Variants in KSR2 observed in about 807,000 individuals in gnomAD.
KSR2 encodes the protein kinase suppressor of ras 2.
In KSR2, 25 loss-of-function variants were observed where a neutral mutation model predicts 107.8. That is an observed-to-expected ratio of 0.23 (90% CI 0.17 to 0.32). The LOEUF is 0.32. KSR2 is among the 10% of genes least tolerant of loss of function. The pLI is 1.00. For missense variants in KSR2, 887 were observed against 1,268.9 expected, an observed-to-expected ratio of 0.70 and a Z score of 4.57; for synonymous variants, 480 against 507.0, an observed-to-expected ratio of 0.95 and a Z score of 0.71.
intron 16 of KSR2, among the ~76,000 whole-genome samples, chr12:117,479,592 A>G (rs920897711): frequency 1.3e-5 from 2 of 152,166 alleles, no homozygotes; most frequent in Non-Finnish European, 2.9e-5. Flanking sequence ...GACATCATCA[A>G]ATGTCCCCTG....
intron 14 of KSR2, among the ~76,000 whole-genome samples, chr12:117,524,244 A>G (rs1417972077): frequency 2.6e-5 from 4 of 152,226 alleles, no homozygotes; most frequent in Admixed American, 6.5e-5. Flanking sequence ...CTCATTTCAC[A>G]TATGGAGAAA....
chr12:117,967,339 A>G lies in KSR2; in HGVS notation c.180+737T>C, dbSNP rs1409664437. 2.0e-5 allele frequency among the ~76,000 whole-genome samples: 3 copies of G among 152,118 alleles called. No individual in the cohort carries two copies. The East Asian group carries it at 5.8e-4, about 29-fold the overall frequency. ...CCCGACCCCTTTCCTCTTTCCTCACAGTCCCACTGAGATTCAGGAGTATTC... is the reference window on the plus strand; with the variant it reads ...CCCGACCCCTTTCCTCTTTCCTCACGGTCCCACTGAGATTCAGGAGTATTC... On this transcript the variant is annotated intron_variant, in intron 1 of 19. Coordinates refer to ENST00000339824, the MANE Select transcript of KSR2 (RefSeq NM_173598.6).
rs550468198 is a variant in KSR2 at position 117,468,219 on chromosome 12, C to T, written c.2847-1014G>A. ...GACAGCAGCTGAGCTACAGTGAGTA[C>T]CTGCTATGTTGAGAGGCACCTGCTA... On this transcript the variant is annotated intron_variant, in intron 19 of 19. Transcript: ENST00000339824. Among the ~76,000 whole-genome samples the T allele has an allele frequency of 1.3e-4, 20 of 152,330 alleles. No individual in the cohort carries two copies. The South Asian group carries it at 4.1e-3, about 32-fold the overall frequency.
intron 4 of KSR2, among the ~76,000 whole-genome samples, chr12:117,683,672 T>C (rs1433058685): frequency 2.0e-5 from 3 of 152,174 alleles, no homozygotes; most frequent in African/African-American, 7.2e-5. Context: ...CAAGGCTAGA[T>C]TTGAAGAACG....
chr12:117,710,605 G>T (rs1031669549), intron 4 of KSR2, among the ~76,000 whole-genome samples: 2 of 152,120 alleles, frequency 1.3e-5, no homozygotes, highest in Non-Finnish European at 2.9e-5. Flanking sequence ...CGTATGGGTG[G>T]GGTTTTGGGC....
At chr12:117,891,973 C>G (rs1297952089) in intron 1 of KSR2, among the ~76,000 whole-genome samples, 1 of 90,464 alleles carries the variant, frequency 1.1e-5, no homozygotes, top group Non-Finnish European at 2.0e-5. Flanking sequence ...GCACTCCAGC[C>G]TGGGTAACAG....
intron 3 of KSR2, among the ~76,000 whole-genome samples, chr12:117,837,345 A>G (rs1892261788): frequency 6.6e-6 from 1 of 152,212 alleles, no homozygotes; most frequent in East Asian, 1.9e-4. Flanking sequence ...TTTCTACATT[A>G]CTATGCATCT....
intron 1 of KSR2, among the ~76,000 whole-genome samples, chr12:117,888,257 A>G (rs547370675): frequency 9.8e-5 from 15 of 152,322 alleles, no homozygotes; most frequent in African/African-American, 3.6e-4. Context: ...GAATATTCAA[A>G]GACACAAACA....
intron 1 of KSR2, among the ~76,000 whole-genome samples, chr12:117,914,478 C>T (rs74239236): frequency 0.038 from 5,692 of 150,962 alleles, 184 homozygotes; most frequent in East Asian, 0.18. Context: ...GTCATCTATG[C>T]AAAGCTCTTC....
At chr12:117,766,822 G>C (rs559677594) in intron 3 of KSR2, among the ~76,000 whole-genome samples, 1 of 151,410 alleles carries the variant, frequency 6.6e-6, no homozygotes, top group East Asian at 2.0e-4. Context: ...CAGGAGATGA[G>C]GGACGTGGGA....
chr12:117,471,471 C>T (rs779962011), intron 17 of KSR2, among the ~76,000 whole-genome samples, 151 bp from the exon 18 acceptor site: 14 of 152,220 alleles, frequency 9.2e-5, no homozygotes, highest in African/African-American at 2.4e-4. Context: ...TTGCCATGTG[C>T]GACATACCTA....
Position 117,950,134 on chromosome 12 carries a change from C to T in KSR2, c.180+17942G>A, listed in dbSNP as rs12302783. On this transcript the variant is annotated intron_variant, in intron 1 of 19. Coordinates refer to ENST00000339824, the MANE Select transcript of KSR2 (RefSeq NM_173598.6). ...GATTACAGGCACGTACCACCATGGC[C>T]GGCTAATTTTTTGTATTTTAGGAGA... is the stretch of plus-strand genomic sequence containing the variant. 1.6e-3 allele frequency among the ~76,000 whole-genome samples: 242 copies of T among 151,962 alleles called. 2 individuals are homozygous for T. The highest frequency in any genetic ancestry group is 5.5e-3 in the African/African-American group (226 of 41,450).
At chr12:117,828,351 C>G (rs1891832982) in intron 3 of KSR2, among the ~76,000 whole-genome samples, 1 of 152,168 alleles carries the variant, frequency 6.6e-6, no homozygotes, top group East Asian at 1.9e-4. Flanking sequence ...TATGTAATAT[C>G]CAGAACACGG....
chr12:117,793,805 T>C (rs1890420048), intron 3 of KSR2, among the ~76,000 whole-genome samples: 1 of 90,192 alleles, frequency 1.1e-5, no homozygotes, highest in African/African-American at 4.2e-5. Context: ...ACATGCAACA[T>C]GCACACACCA....
At chr12:117,690,983 T>C (rs1222875894) in intron 4 of KSR2, among the ~76,000 whole-genome samples, 2 of 152,198 alleles carry the variant, frequency 1.3e-5, no homozygotes, top group Non-Finnish European at 2.9e-5. Flanking sequence ...GTAAATGCAA[T>C]GCAGTGTTTT....
chr12:117,530,640 G>T (rs1158879568), intron 12 of KSR2, among the ~76,000 whole-genome samples: 4 of 152,104 alleles, frequency 2.6e-5, no homozygotes, highest in African/African-American at 9.7e-5. Flanking sequence ...GAGGTTATGG[G>T]TCCTTAGGAA....
chr12:117,624,308 T>C (rs1882350764), intron 5 of KSR2, among the ~76,000 whole-genome samples: 1 of 152,248 alleles, frequency 6.6e-6, no homozygotes, highest in Admixed American at 6.5e-5. Context: ...CCCATGCCTA[T>C]GTCCTGAATG....
rs189952996 is a variant in KSR2 at position 117,960,664 on chromosome 12, A to G, written c.180+7412T>C. 1.5e-3 allele frequency among the ~76,000 whole-genome samples: 225 copies of G among 152,332 alleles called. 1 individual carries two copies. Among genetic ancestry groups the G allele is most frequent in the African/African-American group, 5.3e-3 (219 of 41,580 alleles). On this transcript the variant is annotated intron_variant, in intron 1 of 19. Transcript: ENST00000339824. ...GCTGAGTCCATACCTAACTGCAGGC[A>G]TCTGAGCAAATGATGATTGTTTTAA...
intron 5 of KSR2, among the ~76,000 whole-genome samples, chr12:117,657,464 G>A (rs764753080): frequency 1.3e-5 from 2 of 152,178 alleles, no homozygotes; most frequent in Non-Finnish European, 2.9e-5. Flanking sequence ...CCTGTCACTT[G>A]TAACCAACCA....
Sources: gnomAD v4.1 joint callset for allele counts (sites outside exome capture counted in the v4.1 genomes callset) on GRCh38, gnomAD v4.1.1 for gene constraint, MANE v1.5 for transcripts, NCBI Gene and HGNC (gene_info 2026-07-23, HGNC 2026-07-21) for gene names.